APC: variants seen among roughly 807,000 people sequenced by gnomAD.
APC encodes the protein APC regulator of Wnt signaling pathway, also known as adenomatous polyposis coli protein.
A neutral mutation model predicts 247.0 loss-of-function variants in APC; 72 were observed. The ratio of observed to expected loss-of-function variants is 0.29; its 90% CI spans 0.24 to 0.35. APC has a LOEUF of 0.35. Among genes scored for constraint, APC ranks in the 10% least tolerant of loss-of-function variants. The pLI is 1.00. For missense variants in APC, 3,400 were observed against 3,360.7 expected (o/e 1.01, Z -0.29); for synonymous variants, 1,254 against 1,162.5 (o/e 1.08, Z -1.60).
At chr5:112,750,573 A>G (rs942975973) in intron 1 of APC, among the ~76,000 whole-genome samples, 5 of 151,818 alleles carry the variant, frequency 3.3e-5, no homozygotes, top group African/African-American at 1.2e-4. Context: ...CACTGTACAG[A>G]TGTGCATTAT....
At chr5:112,819,479 C>T in intron 10 of APC, 135 bp downstream of exon 10, 2 of 1,190,410 alleles carry the variant, frequency 1.7e-6, no homozygotes, top group Middle Eastern at 2.8e-4. Context: ...TTGTGCTACT[C>T]ATATTTAAAA....
intron 14 of APC, among the ~76,000 whole-genome samples, chr5:112,831,529 T>C (rs1264324169): frequency 1.3e-5 from 2 of 152,238 alleles, no homozygotes; most frequent in Non-Finnish European, 2.9e-5. Flanking sequence ...GCAGCAGTCA[T>C]GAACATTCTT....
chr5:112,762,883 G>C (rs1755825839), intron 2 of APC, among the ~76,000 whole-genome samples: 1 of 152,202 alleles, frequency 6.6e-6, no homozygotes, highest in African/African-American at 2.4e-5. Context: ...GCCATAAACT[G>C]TTCACAGCAA....
intron 5 of APC, 47 bp downstream of exon 5, chr5:112,775,784 T>C (rs1757582025): frequency 7.0e-6 from 7 of 995,700 alleles, no homozygotes; most frequent in Non-Finnish European, 1.1e-5. Context: ...AATAACTTGA[T>C]ATTTTAAAGT....
intron 8 of APC, among the ~76,000 whole-genome samples, chr5:112,812,637 T>A (rs980760897): frequency 2.0e-5 from 3 of 152,206 alleles, no homozygotes; most frequent in Non-Finnish European, 4.4e-5. Flanking sequence ...TGCCACTTTT[T>A]CAGGAACCAA....
chr5:112,773,414 G>A (rs1321990404), intron 4 of APC, among the ~76,000 whole-genome samples: 1 of 152,074 alleles, frequency 6.6e-6, no homozygotes, highest in Non-Finnish European at 1.5e-5. Flanking sequence ...ATGGCAAAAC[G>A]TTACAGTTGA....
rs1057521822 is a variant in APC at position 112,841,606 on chromosome 5, A to T, written c.6012A>T (p.Ala2004=). Residue 2004 remains alanine (A), a synonymous_variant, in exon 16 of 16, where the codon GCA becomes GCT. Transcript: ENST00000257430. The surrounding 1 kb of genome is among the most constrained non-coding windows in gnomAD (Gnocchi z 4.6). ...AGGGAGAACCAAGTAAACCTCAAGC[A>T]TCAGGCTATGCTCCTAAATCATTTC... The part of the protein sequence containing the change: ...DSQGEPSKPQ[A]SGYAPKSFHV... The T allele has an allele frequency of 1.2e-6, 2 of 1,613,520 alleles. No homozygotes were observed. Among genetic ancestry groups the T allele is most frequent in the Non-Finnish European group, 1.7e-6 (2 of 1,179,442 alleles).
chr5:112,777,159 A>T (rs1193980893), intron 5 of APC, among the ~76,000 whole-genome samples: 1 of 152,184 alleles, frequency 6.6e-6, no homozygotes, highest in Non-Finnish European at 1.5e-5. Flanking sequence ...TTTTTCTTAG[A>T]TTGTTCAGAA....
upstream of APC, chr5:112,707,501 T>C (rs1750568152): frequency 2.2e-6 from 1 of 447,060 alleles, no homozygotes; most frequent in Non-Finnish European, 4.2e-6. Context: ...CGCATGCGCA[T>C]TGTAGTCTTC....
chr5:112,777,423 G>C (rs1245542958), intron 5 of APC, among the ~76,000 whole-genome samples: 1 of 152,180 alleles, frequency 6.6e-6, no homozygotes, highest in East Asian at 1.9e-4. Context: ...ATATACCATG[G>C]TATCTAATTT....
chr5:112,761,127 G>T (rs1190258605), intron 2 of APC, among the ~76,000 whole-genome samples: 1 of 152,122 alleles, frequency 6.6e-6, no homozygotes, highest in Non-Finnish European at 1.5e-5. Context: ...TCCATTTTTA[G>T]TTGCTAATTG....
rs1429082315 is a variant in APC at position 112,841,688 on chromosome 5, A to G, written c.6094A>G (p.Ile2032Val). ...AAACAGTTCTCTCAGTTCTCTTAGT[A>G]TTGACTCTGAAGATGACCTGTTGCA... Reference protein sequence around the residue: ...SRNSSLSSLSIDSEDDLLQEC... With the variant: ...SRNSSLSSLSVDSEDDLLQEC... The change falls in exon 16 of 16, where the codon ATT (isoleucine) becomes GTT (valine). Residue 2032 changes from isoleucine to valine, a missense_variant. This residue lies in a region of APC where 1,788 missense variants were observed against 1,649.5 expected (regional missense o/e 1.08). Transcript: ENST00000257430. The surrounding 1 kb of genome is among the most constrained non-coding windows in gnomAD (Gnocchi z 4.6). 2.5e-6 allele frequency: 4 copies of G among 1,613,888 alleles called. No homozygotes were observed. In the Admixed American group the frequency reaches 5.0e-5, roughly 20 times the overall value.
intron 1 of APC, chr5:112,708,015 TC>T (rs771655949): frequency 2.0e-4 from 183 of 899,098 alleles, no homozygotes; most frequent in Non-Finnish European, 2.6e-4. Context: ...CCCTCTCCCC[TC>T]CCCGCACTCC....
chr5:112,780,961 T>G, intron 6 of APC, 58 bp downstream of exon 6: 1 of 1,115,586 alleles, frequency 9.0e-7, no homozygotes, highest in Non-Finnish European at 1.3e-6. Context: ...ATAAAATGAA[T>G]TACAGCTCTG....
intron 1 of APC, among the ~76,000 whole-genome samples, chr5:112,724,460 A>G (rs544786612): frequency 2.9e-4 from 44 of 152,310 alleles, no homozygotes; most frequent in East Asian, 3.9e-4. Context: ...ACCAGGCGCA[A>G]TACTAGAATA....
Position 112,773,504 on chromosome 5 carries a change from A to G in APC, c.423-2125A>G, listed in dbSNP as rs116075494. 5.1e-3 allele frequency among the ~76,000 whole-genome samples: 781 copies of G among 152,330 alleles called. 4 individuals carry two copies. Among genetic ancestry groups the G allele is most frequent in the African/African-American group, 0.018 (748 of 41,576 alleles). On this transcript the variant is annotated intron_variant, in intron 4 of 15. Transcript: ENST00000257430. ...TATATATAACTTTTGACTGCCCGAA[A>G]ACTTTACTGATTGCCTGTCTATTGA...
chr5:112,780,857 T>C lies in APC; in HGVS notation c.599T>C (p.Met200Thr). 6.2e-7 allele frequency: 1 copy of C among 1,613,438 alleles called. No homozygotes were observed. The change falls in exon 6 of 16, where the codon ATG (methionine) becomes ACG (threonine). Residue 200 changes from methionine (M) to threonine (T), a missense_variant. Physicochemically the swap from Met to Thr is moderately conservative, Grantham distance 81. Around this residue, in one of 9 missense-constraint regions of APC, gnomAD observed 372 missense variants for 367.6 expected, o/e 1.01. Coordinates refer to ENST00000257430, the MANE Select transcript of APC (RefSeq NM_000038.6). ...EYEARQIRVA[M>T]EEQLGTCQDM... ...GAAGCAAGGCAAATCAGAGTTGCGATGGAAGAACAACTAGGTACCTGCCAG... is the reference window on the plus strand; with the variant it reads ...GAAGCAAGGCAAATCAGAGTTGCGACGGAAGAACAACTAGGTACCTGCCAG...
chr5:112,712,265 C>T (rs1250375970), intron 1 of APC, among the ~76,000 whole-genome samples: 1 of 152,106 alleles, frequency 6.6e-6, no homozygotes, highest in Non-Finnish European at 1.5e-5. Context: ...CTGTAACTCC[C>T]TACTTCCATT....
intron 1 of APC, among the ~76,000 whole-genome samples, chr5:112,740,369 A>G (rs567037024): frequency 1.7e-4 from 26 of 152,246 alleles, no homozygotes; most frequent in Non-Finnish European, 2.9e-4. Context: ...TATCTAATCT[A>G]TGACTGACCT....
Sources: allele counts gnomAD v4.1 joint callset (sites outside exome capture counted in the v4.1 genomes callset), GRCh38; gene constraint gnomAD v4.1.1; regional missense constraint gnomAD v4.1.1; non-coding constraint Gnocchi (gnomAD v3.1); transcripts MANE v1.5; gene names NCBI Gene and HGNC (gene_info 2026-07-23, HGNC 2026-07-21).